ASPH: variants seen among roughly 807,000 people sequenced by gnomAD.
ASPH encodes the protein aspartyl/asparaginyl beta-hydroxylase.
Under a neutral mutation model 118.4 loss-of-function variants are expected in ASPH, and 100 were observed. That is an observed-to-expected ratio of 0.84 (90% CI 0.72 to 1.00). ASPH has a LOEUF of 1.00. ASPH is among the 50% of genes least tolerant of loss of function. ASPH has a pLI of 0.00. For synonymous variants in ASPH, 315 were observed against 325.6 expected (o/e 0.97, Z 0.35); for missense variants, 920 against 919.5 (o/e 1.00, Z -0.01).
rs545296646 is a variant in ASPH at position 61,608,753 on chromosome 8, A to C, written c.976+10225T>G. 4.6e-5 allele frequency among the ~76,000 whole-genome samples: 7 copies of C among 152,304 alleles called. No homozygotes were observed. The East Asian group carries it at 1.4e-3, about 29-fold the overall frequency. On this transcript the variant is annotated intron_variant, in intron 14 of 24. Coordinates refer to ENST00000379454, the MANE Select transcript of ASPH (RefSeq NM_004318.4). Reference sequence around the variant, plus strand: ...ACTACACATGAGAATTATTGCACCTAGAGTGATGAAATCAGAATAGTTGAG... The same window carrying C: ...ACTACACATGAGAATTATTGCACCTCGAGTGATGAAATCAGAATAGTTGAG...
chr8:61,539,709 T>G (rs1284182790), intron 21 of ASPH, among the ~76,000 whole-genome samples: 115 of 141,404 alleles, frequency 8.1e-4, no homozygotes, highest in African/African-American at 2.3e-3. Flanking sequence ...GGTGTGTGTG[T>G]GTGTGTGTGT....
At chr8:61,664,182 TA>T (rs1406991724) in intron 3 of ASPH, 1 of 969,092 alleles carries the variant, frequency 1.0e-6, no homozygotes, top group African/African-American at 1.8e-5. Flanking sequence ...AATTTCTCAC[TA>T]AAACTTCACT....
chr8:61,644,457 A>AT (rs1564166889), intron 7 of ASPH, 143 bp downstream of exon 7: 1 of 598,494 alleles, frequency 1.7e-6, no homozygotes, highest in African/African-American at 2.0e-5. Flanking sequence ...TACCATAAAT[A>AT]TAAGACGTAA....
At chr8:61,594,757 T>C (rs1039366819) in intron 14 of ASPH, among the ~76,000 whole-genome samples, 3 of 152,244 alleles carry the variant, frequency 2.0e-5, no homozygotes, top group African/African-American at 4.8e-5. Context: ...ATAGTGTGTA[T>C]GTATAGGAAA....
At chr8:61,706,725 G>A (rs1327605449) in intron 1 of ASPH, among the ~76,000 whole-genome samples, 1 of 152,210 alleles carries the variant, frequency 6.6e-6, no homozygotes, top group Admixed American at 6.5e-5. Context: ...GAAAAAGGCA[G>A]GGTAGAAGGA....
At chr8:61,548,027 A>C (rs1778432745) in intron 21 of ASPH, 44 bp downstream of exon 21, 3 of 1,522,262 alleles carry the variant, frequency 2.0e-6, no homozygotes, top group Admixed American at 2.0e-5. Flanking sequence ...TTGAGGAGGA[A>C]ATAGACAAAG....
At chr8:61,544,621 C>T (rs1000196059) in intron 21 of ASPH, among the ~76,000 whole-genome samples, 1 of 152,182 alleles carries the variant, frequency 6.6e-6, no homozygotes, top group South Asian at 2.1e-4. Context: ...CCAACTGTTG[C>T]AACTTCTTAT....
intron 10 of ASPH, among the ~76,000 whole-genome samples, chr8:61,642,223 C>T (rs542420812): frequency 6.6e-4 from 100 of 152,344 alleles, no homozygotes; most frequent in Non-Finnish European, 1.2e-3. Flanking sequence ...AATCAGTCAT[C>T]TTTGAGAGTG....
Position 61,637,990 on chromosome 8 carries a change from G to T in ASPH, c.846C>A (p.Pro282=). The stretch of plus-strand genomic sequence containing the variant: ...AATCTTCTACAGGATTATCCTCAGG[G>T]GGAGCAGTTACTTCTAAAATAAAGA... The part of the protein sequence containing the change: ...EGIEITEVTA[P]PEDNPVEDSQ... The change falls in exon 12 of 25, where the codon CCC becomes CCA. Residue 282 remains proline (P), a synonymous_variant. Transcript: ENST00000379454. The T allele has an allele frequency of 6.2e-7, 1 of 1,608,784 alleles. No homozygotes were observed. Among genetic ancestry groups the T allele is most frequent in the Non-Finnish European group, 8.5e-7 (1 of 1,178,066 alleles).
intron 4 of ASPH, among the ~76,000 whole-genome samples, chr8:61,652,075 C>G (rs1052565030): frequency 1.3e-5 from 2 of 152,166 alleles, no homozygotes; most frequent in Non-Finnish European, 2.9e-5. Context: ...ACTACAAAAT[C>G]ATTTCCAAAG....
At chr8:61,615,592 A>G (rs539944609) in intron 14 of ASPH, among the ~76,000 whole-genome samples, 71 of 152,298 alleles carry the variant, frequency 4.7e-4, no homozygotes, top group Admixed American at 1.1e-3. Flanking sequence ...AACACGAATG[A>G]CTGTTTGAAT....
intron 4 of ASPH, among the ~76,000 whole-genome samples, chr8:61,652,799 T>TA (rs1264453858): frequency 6.6e-6 from 1 of 152,162 alleles, no homozygotes; most frequent in African/African-American, 2.4e-5. Flanking sequence ...GTCCTAGGAT[T>TA]AAAAATTCAA....
intron 5 of ASPH, among the ~76,000 whole-genome samples, chr8:61,647,557 G>C (rs910734931): frequency 1.1e-4 from 17 of 152,250 alleles, no homozygotes; most frequent in Middle Eastern, 3.4e-3. Flanking sequence ...TGTAGTCCCA[G>C]CTACTTGGGA....
At chr8:61,700,772 T>C (rs1563649364) in intron 1 of ASPH, among the ~76,000 whole-genome samples, 1 of 152,250 alleles carries the variant, frequency 6.6e-6, no homozygotes, top group Non-Finnish European at 1.5e-5. Flanking sequence ...CATGGTATTA[T>C]ATTGTTTGTA....
At chr8:61,674,121 A>G (rs561122214) in intron 3 of ASPH, among the ~76,000 whole-genome samples, 4 of 152,240 alleles carry the variant, frequency 2.6e-5, no homozygotes, top group Admixed American at 2.6e-4. Flanking sequence ...AATTAATCGA[A>G]TATCTTCTAG....
At chr8:61,580,345 C>T (rs868166110) in intron 15 of ASPH, among the ~76,000 whole-genome samples, 2 of 152,310 alleles carry the variant, frequency 1.3e-5, no homozygotes, top group Middle Eastern at 6.8e-3. Flanking sequence ...ATGAGGGCTC[C>T]ACCCGTACAG....
chr8:61,642,187 G>A (rs563873799), intron 10 of ASPH, among the ~76,000 whole-genome samples: 3 of 152,330 alleles, frequency 2.0e-5, no homozygotes, highest in Non-Finnish European at 2.9e-5. Flanking sequence ...GGAACACAGT[G>A]CTTCTTAACC....
intron 14 of ASPH, among the ~76,000 whole-genome samples, chr8:61,604,824 C>T (rs1033490145): frequency 5.9e-5 from 9 of 152,214 alleles, no homozygotes; most frequent in African/African-American, 1.7e-4. Flanking sequence ...ACCAATTGCA[C>T]AATCAGGCAG....
intron 1 of ASPH, among the ~76,000 whole-genome samples, chr8:61,701,314 T>C (rs555331114): frequency 1.7e-4 from 26 of 152,356 alleles, no homozygotes; most frequent in Admixed American, 1.5e-3. Context: ...TCAAGTTTAC[T>C]CCAAATCAGT....
Sources: gnomAD v4.1 joint callset for allele counts (sites outside exome capture counted in the v4.1 genomes callset) on GRCh38, gnomAD v4.1.1 for gene constraint, MANE v1.5 for transcripts, NCBI Gene and HGNC (gene_info 2026-07-23, HGNC 2026-07-21) for gene names.